The following IL24 variants were observed in gnomAD, a reference collection of about 807,000 sequenced individuals.
IL24 encodes interleukin 24, also known as interleukin-24.
A neutral mutation model predicts 27.6 loss-of-function variants in IL24; 24 were observed. The observed-to-expected ratio is 0.87, with a 90% CI of 0.63 to 1.22. The LOEUF (loss-of-function observed/expected upper bound fraction) is 1.22. Ranked by LOEUF, IL24 falls within the 50% of genes most tolerant of loss-of-function variation. The probability of loss-of-function intolerance (pLI) is 0.00; values close to 1 mark genes in which losing one functional copy is unlikely to be tolerated. For missense variants in IL24, 240 were observed against 237.0 expected (o/e 1.01, Z -0.08); for synonymous variants, 99 against 93.1 (o/e 1.06, Z -0.36).
At chr1:206,899,063 G>A (rs3093421) in intron 2 of IL24, among the ~76,000 whole-genome samples, 2,899 of 152,316 alleles carry the variant, frequency 0.019, 95 homozygotes, top group African/African-American at 0.066. Flanking sequence ...GGTGCAGGGC[G>A]TGTGGGTGTG....
intron 2 of IL24, among the ~76,000 whole-genome samples, chr1:206,899,042 GAGA>G (rs1301472791): frequency 1.3e-5 from 2 of 152,202 alleles, no homozygotes; most frequent in Admixed American, 6.5e-5. Flanking sequence ...AACTGCGATG[GAGA>G]AGGAGGAGGT....
Position 206,902,721 on chromosome 1 carries a change from T to C in IL24, c.538-255T>C, listed in dbSNP as rs914427163. The stretch of plus-strand genomic sequence containing the variant: ...CCCATACTGCAGTTTGTGGTTGCTG[T>C]TGTTAGGGGTGCCATATGTCTTTCC... On this transcript the variant is annotated intron_variant, in intron 6 of 6. Coordinates refer to ENST00000294984, the MANE Select transcript of IL24 (RefSeq NM_006850.3). 8.1e-6 allele frequency: 8 copies of C among 985,262 alleles called. No homozygotes were observed. In the African/African-American group the frequency reaches 1.4e-4, roughly 17 times the overall value. 61.0% of individuals were successfully genotyped at this position (985,262 alleles called of 1,614,324 possible).
intron 5 of IL24, 124 bp downstream of exon 5, chr1:206,901,776 T>C (rs1428072844): frequency 1.1e-5 from 10 of 894,154 alleles, no homozygotes; most frequent in African/African-American, 6.7e-5. Flanking sequence ...ATCTGTAAAA[T>C]GGGGATGATC....
At chr1:206,898,565 T>C (rs974513584) in intron 2 of IL24, among the ~76,000 whole-genome samples, 1 of 152,086 alleles carries the variant, frequency 6.6e-6, no homozygotes, top group African/African-American at 2.4e-5. Flanking sequence ...TCAGTTATAA[T>C]AAATACATAA....
rs376579050 is a variant in IL24 at position 206,897,843 on chromosome 1, A to G, written c.11A>G (p.Gln4Arg). The G allele has an allele frequency of 6.2e-7, 1 of 1,610,816 alleles. No homozygotes were observed. Among genetic ancestry groups the G allele is most frequent in the Non-Finnish European group, 8.5e-7 (1 of 1,179,056 alleles). MNF[Q>R]QRLQSLWTLA... ...ACACGAGACTGAGAGATGAATTTTCAACAGAGGCTGCAAAGCCTGTGGACT... is the reference window on the plus strand; with the variant it reads ...ACACGAGACTGAGAGATGAATTTTCGACAGAGGCTGCAAAGCCTGTGGACT... Residue 4 changes from glutamine to arginine, a missense_variant, in exon 2 of 7, where the codon CAA (glutamine) becomes CGA (arginine). Transcript: ENST00000294984.
chr1:206,897,543 G>C lies in IL24; in HGVS notation c.-175G>C, dbSNP rs987849178. 1.1e-5 allele frequency: 3 copies of C among 265,586 alleles called. No homozygotes were observed. Among genetic ancestry groups the C allele is most frequent in the Non-Finnish European group, 2.1e-5 (3 of 140,320 alleles). The allele number at this position is 265,586 out of a possible 1,614,324, so 16.5% of individuals were successfully genotyped here. ...TGATTGGTGAATGGTGAAGGTGCCTGTCTAACTTTTCTGTAAAAAGAACCA... is the reference window on the plus strand; with the variant it reads ...TGATTGGTGAATGGTGAAGGTGCCTCTCTAACTTTTCTGTAAAAAGAACCA... On this transcript the variant is annotated 5_prime_UTR_variant, in exon 1 of 7. Coordinates refer to ENST00000294984, the MANE Select transcript of IL24 (RefSeq NM_006850.3).
Position 206,899,319 on chromosome 1 carries a change from G to T in IL24, c.45-1G>T. 1 of 1,613,214 alleles carries T rather than the reference G, an allele frequency of 6.2e-7. No individual in the cohort carries two copies. The highest frequency in any genetic ancestry group is 1.1e-5 in the South Asian group (1 of 90,970). On this transcript the variant is annotated splice_acceptor_variant, in intron 2 of 6. Transcript: ENST00000294984. LOFTEE classifies it high-confidence loss of function. The stretch of plus-strand genomic sequence containing the variant: ...CAGGCTGCCTCCCTTTCTTTCAGCA[G>T]ACCCTTCTGCCCTCCTTTGCTGGCG...
At chr1:206,899,293 A>C in intron 2 of IL24, 27 bp from the exon 3 acceptor site, 1 of 1,609,274 alleles carries the variant, frequency 6.2e-7, no homozygotes, top group Middle Eastern at 2.0e-4. Flanking sequence ...GGCCGGCCTC[A>C]CAGGCTGCCT....
Position 206,903,553 on chromosome 1 carries a change from C to T in IL24, c.*494C>T, listed in dbSNP as rs1251613032. 6.2e-6 allele frequency: 1 copy of T among 161,280 alleles called. No individual in the cohort carries two copies. Among genetic ancestry groups the T allele is most frequent in the Admixed American group, 5.9e-5 (1 of 17,050 alleles). The allele number at this position is 161,280 out of a possible 1,614,324, so 10.0% of individuals were successfully genotyped here. A position where few individuals can be genotyped will look rare whatever the true frequency, so the allele number is the denominator to read the frequency against. On this transcript the variant is annotated 3_prime_UTR_variant, in exon 7 of 7. Transcript: ENST00000294984. The stretch of plus-strand genomic sequence containing the variant: ...CTTCAGAGCATGAAAATCACACTGT[C>T]TTCTGATATCTGCAGGGACAGAGCA...
At chr1:206,900,432 G>A (rs1304593916) in intron 4 of IL24, 75 bp downstream of exon 4, 1 of 1,328,818 alleles carries the variant, frequency 7.5e-7, no homozygotes, top group Non-Finnish European at 1.1e-6. Flanking sequence ...TTTCTTAGGG[G>A]AGGTTGATGA....
rs1229222547 is a variant in IL24, at chr1:206,903,007, T to C, written c.569T>C (p.Leu190Pro). The change falls in exon 7 of 7, where the codon CTT becomes CCT. Residue 190 changes from leucine (L) to proline (P), a missense_variant. Physicochemically the swap from Leu to Pro is moderately conservative, Grantham distance 98. Transcript: ENST00000294984. ...LDVEAALTKA[L>P]GEVDILLTWM... ...GTAGAAGCAGCTCTGACCAAAGCCC[T>C]TGGGGAAGTGGACATTCTTCTGACC... 4.3e-6 allele frequency: 7 copies of C among 1,614,212 alleles called. No individual in the cohort carries two copies. Among genetic ancestry groups the C allele is most frequent in the Non-Finnish European group, 5.9e-6 (7 of 1,180,014 alleles).
At chr1:206,901,350 T>C in intron 4 of IL24, 144 bp from the exon 5 acceptor site, 1 of 904,802 alleles carries the variant, frequency 1.1e-6, no homozygotes, top group Non-Finnish European at 1.6e-6. Flanking sequence ...TGAAGGCTCC[T>C]ACAGATCTAA....
Position 206,899,412 on chromosome 1 carries a change from T to C in IL24, c.137T>C (p.Val46Ala). The C allele has an allele frequency of 6.2e-7, 1 of 1,614,170 alleles. No homozygotes were observed. The highest frequency in any genetic ancestry group is 8.5e-7 in the Non-Finnish European group (1 of 1,180,016). Residue 46 changes from valine to alanine, a missense_variant, in exon 3 of 7, where the codon GTA becomes GCA. Transcript: ENST00000294984. ...LGFTLLLWSQ[V>A]SGAQGQEFHF... ...TTTACCCTGCTTCTCTGGAGCCAGG[T>C]ATCAGGGGCCCAGGGCCAAGAATTC...
chr1:206,897,995 A>G (rs917194780), intron 2 of IL24, 119 bp downstream of exon 2: 17 of 560,980 alleles, frequency 3.0e-5, no homozygotes, highest in Admixed American at 2.3e-4. Context: ...TCTACTAAAA[A>G]TACAAAAAAA....
chr1:206,901,187 T>C (rs532107732), intron 4 of IL24, among the ~76,000 whole-genome samples: 3 of 152,252 alleles, frequency 2.0e-5, no homozygotes, highest in East Asian at 1.9e-4. Context: ...CCATGTGGCA[T>C]AGAAGAAAGA....
chr1:206,899,544 C>T (rs778003320), intron 3 of IL24, 29 bp downstream of exon 3: 6 of 1,517,364 alleles, frequency 4.0e-6, no homozygotes, highest in Middle Eastern at 1.8e-4. Flanking sequence ...TGGACCCAGT[C>T]GTGGGGGTTC....
At position 206,897,867 on chromosome 1, in the gene IL24, C is replaced by CTT; in HGVS notation, c.37_38dup (p.Leu13PhefsTer2). The CTT allele has an allele frequency of 6.2e-7, 1 of 1,604,380 alleles. No individual in the cohort carries two copies. The highest frequency in any genetic ancestry group is 1.3e-5 in the African/African-American group (1 of 74,836). ...CAACAGAGGCTGCAAAGCCTGTGGA[C>CTT]TTTAGCCAGGTGCGGTGGCTCACAC... On this transcript the variant is annotated frameshift_variant, in exon 2 of 7. Transcript: ENST00000294984. LOFTEE classifies it high-confidence loss of function.
chr1:206,901,891 G>A, intron 5 of IL24, 107 bp from the exon 6 acceptor site: 20 of 1,157,478 alleles, frequency 1.7e-5, no homozygotes, highest in Non-Finnish European at 2.4e-5. Context: ...TCAGCCCTGG[G>A]CTCTCAGGCT....
In IL24 at chr1:206,903,094, G is replaced by A; in HGVS notation, c.*35G>A. ...CCAGGACCTCCCTCCCCCTGGCACTGGTTTGTTCCCTGTGTCATTTCAAAC... is the reference window on the plus strand; with the variant it reads ...CCAGGACCTCCCTCCCCCTGGCACTAGTTTGTTCCCTGTGTCATTTCAAAC... On this transcript the variant is annotated 3_prime_UTR_variant, in exon 7 of 7. Transcript: ENST00000294984. The A allele has an allele frequency of 6.4e-7, 1 of 1,556,356 alleles. No homozygotes were observed. The highest frequency in any genetic ancestry group is 8.9e-7 in the Non-Finnish European group (1 of 1,127,370).
Sources: gnomAD v4.1 joint callset for allele counts (sites outside exome capture counted in the v4.1 genomes callset) on GRCh38, gnomAD v4.1.1 for gene constraint, MANE v1.5 for transcripts, NCBI Gene and HGNC (gene_info 2026-07-23, HGNC 2026-07-21) for gene names.